CCDC85C: variants seen among roughly 807,000 people sequenced by gnomAD.
CCDC85C encodes coiled-coil domain-containing protein 85C.
CCDC85C carries 18 observed loss-of-function variants against 38.3 expected under a neutral mutation model. That is an observed-to-expected ratio of 0.47 (90% confidence interval 0.33 to 0.70). CCDC85C has a LOEUF of 0.70. Ranked by LOEUF, CCDC85C falls within the 30% of genes least tolerant of loss-of-function variation. The pLI is 0.03. For missense variants in CCDC85C, 566 were observed against 621.2 expected (o/e 0.91, Z 0.94); for synonymous variants, 264 against 293.8 (o/e 0.90, Z 1.04).
Position 99,517,102 on chromosome 14 carries a change from C to A in CCDC85C, c.1057G>T (p.Val353Leu), listed in dbSNP as rs759266737. 2 of 1,550,480 alleles carry A rather than the reference C, an allele frequency of 1.3e-6. No homozygotes were observed. The highest frequency in any genetic ancestry group is 2.4e-5 in the South Asian group (2 of 84,060). The change falls in exon 4 of 6, where the codon GTG (valine) becomes TTG (leucine). Residue 353 changes from valine to leucine, a missense_variant. By Grantham distance (32) the Val-to-Leu change is conservative. Coordinates refer to ENST00000380243, the MANE Select transcript of CCDC85C (RefSeq NM_001144995.2). The part of the protein sequence containing the change: ...SPAGQKPEAV[V>L]HAMKVLEVHE... ...GTGGCCCTCACCTTCATGGCATGCA[C>A]GACAGCCTCGGGCTTCTGTCCTGCA...
chr14:99,528,417 G>A (rs775324393), intron 2 of CCDC85C, among the ~76,000 whole-genome samples: 10 of 152,178 alleles, frequency 6.6e-5, no homozygotes, highest in African/African-American at 2.2e-4. Flanking sequence ...TCGCCAAGGC[G>A]ACTCCAGGAG....
intron 1 of CCDC85C, among the ~76,000 whole-genome samples, chr14:99,538,887 C>G (rs1897658229): frequency 6.6e-6 from 1 of 152,188 alleles, no homozygotes; most frequent in South Asian, 2.1e-4. Context: ...AATGCCCTGC[C>G]TGCCCATAGC....
At position 99,507,032 on chromosome 14, in the gene CCDC85C, G is replaced by A. The variant is rs560310591; in HGVS notation, c.*8214C>T. ...TTTTCTTTATGACATGCTTATTCATGTGAAGAAGTATGAGTGGTTTTCTAA... is the reference window on the plus strand; with the variant it reads ...TTTTCTTTATGACATGCTTATTCATATGAAGAAGTATGAGTGGTTTTCTAA... On this transcript the variant is annotated 3_prime_UTR_variant, in exon 6 of 6. Coordinates refer to ENST00000380243, the MANE Select transcript of CCDC85C (RefSeq NM_001144995.2). 8.9e-7 allele frequency: 1 copy of A among 1,127,842 alleles called. No individual in the cohort carries two copies. The highest frequency in any genetic ancestry group is 1.4e-6 in the Non-Finnish European group (1 of 735,858). The allele number at this position is 1,127,842 out of a possible 1,614,324, so 69.9% of individuals were successfully genotyped here.
intron 1 of CCDC85C, among the ~76,000 whole-genome samples, chr14:99,550,417 A>C (rs1897885968): frequency 6.6e-6 from 1 of 152,166 alleles, no homozygotes; most frequent in African/African-American, 2.4e-5. Context: ...GGCCCCTAGA[A>C]GGGAACGCAG....
chr14:99,543,030 G>A (rs576908335), intron 1 of CCDC85C, among the ~76,000 whole-genome samples: 2 of 152,312 alleles, frequency 1.3e-5, no homozygotes, highest in South Asian at 4.1e-4. Context: ...GAAATTCTTG[G>A]AGAGCAGAGA....
chr14:99,553,278 T>C (rs1455454201), intron 1 of CCDC85C, among the ~76,000 whole-genome samples: 1 of 151,988 alleles, frequency 6.6e-6, no homozygotes, highest in African/African-American at 2.4e-5. Context: ...GTCACAATCT[T>C]CTCACAGGCC....
chr14:99,596,343 G>C (rs532659477), intron 1 of CCDC85C, among the ~76,000 whole-genome samples: 2 of 152,196 alleles, frequency 1.3e-5, no homozygotes, highest in African/African-American at 4.8e-5. Context: ...TGTCTCTGCC[G>C]TTGAGGAATC....
intron 1 of CCDC85C, among the ~76,000 whole-genome samples, chr14:99,601,703 G>A (rs1277962549): frequency 1.5e-4 from 23 of 152,182 alleles, no homozygotes; most frequent in Admixed American, 9.2e-4. Flanking sequence ...CTAACTTTGC[G>A]CTACTCCCAC....
At chr14:99,536,393 G>C (rs1463706575) in intron 1 of CCDC85C, among the ~76,000 whole-genome samples, 1 of 152,236 alleles carries the variant, frequency 6.6e-6, no homozygotes, top group African/African-American at 2.4e-5. Context: ...TTCAGGACCT[G>C]TAGAAAGGTG....
chr14:99,570,850 T>C (rs1362199061), intron 1 of CCDC85C, among the ~76,000 whole-genome samples: 1 of 115,850 alleles, frequency 8.6e-6, no homozygotes, highest in African/African-American at 3.4e-5. Context: ...GCCGCCCCGC[T>C]GGGTGGGCAC....
At chr14:99,555,221 G>T (rs1049371171) in intron 1 of CCDC85C, among the ~76,000 whole-genome samples, 13 of 152,206 alleles carry the variant, frequency 8.5e-5, no homozygotes, top group Non-Finnish European at 1.3e-4. Context: ...ACTGCCCCAA[G>T]CCAACTCCTG....
At position 99,522,193 on chromosome 14, in the gene CCDC85C, G is replaced by A. The variant is rs1354335902; in HGVS notation, c.915C>T (p.Pro305=). ...ACGCAAGCTGGGACTCCGAGTGGTA[G>A]GGCGAGAAGCCTTTCCGCAGCGTGC... ...EFRTLRKGFS[P]YHSESQLASL... Residue 305 remains proline (P), a synonymous_variant, in exon 3 of 6, where the codon CCC becomes CCT. Transcript: ENST00000380243. 8 of 1,550,832 alleles carry A rather than the reference G, an allele frequency of 5.2e-6. No individual in the cohort carries two copies. The East Asian group carries it at 2.0e-4, about 38-fold the overall frequency.
chr14:99,503,783 G>T lies in CCDC85C; in HGVS notation c.*11463C>A. On this transcript the variant is annotated 3_prime_UTR_variant, in exon 6 of 6. Coordinates refer to ENST00000380243, the MANE Select transcript of CCDC85C (RefSeq NM_001144995.2). The stretch of plus-strand genomic sequence containing the variant: ...GAGCTCATACAAAACTTTTCCATCA[G>T]CATTGTCTTTCTGTTCATCACCTGA... 1 of 683,522 alleles carries T rather than the reference G, an allele frequency of 1.5e-6. No homozygotes were observed. Among genetic ancestry groups the T allele is most frequent in the Non-Finnish European group, 2.5e-6 (1 of 402,658 alleles). The allele number at this position is 683,522 out of a possible 1,614,324, so 42.3% of individuals were successfully genotyped here.
rs543899959 is a variant in CCDC85C at position 99,506,935 on chromosome 14, C to A, written c.*8311G>T. 1.2e-4 allele frequency: 81 copies of A among 692,756 alleles called. No homozygotes were observed. The East Asian group carries it at 1.7e-3, about 15-fold the overall frequency. 42.9% of individuals were successfully genotyped at this position (692,756 alleles called of 1,614,324 possible). ...TTCATGCATAATGGTTTAGCTGAAA[C>A]CTTCTTCAAGTTCCCTTAAAGCCTT... On this transcript the variant is annotated 3_prime_UTR_variant, in exon 6 of 6. Coordinates refer to ENST00000380243, the MANE Select transcript of CCDC85C (RefSeq NM_001144995.2).
At chr14:99,598,552 C>G (rs185513159) in intron 1 of CCDC85C, among the ~76,000 whole-genome samples, 2 of 152,302 alleles carry the variant, frequency 1.3e-5, no homozygotes, top group East Asian at 3.9e-4. Context: ...TCCTCCATGC[C>G]AGGACACAGG....
chr14:99,580,115 G>C (rs1047880984), intron 1 of CCDC85C: 1 of 455,600 alleles, frequency 2.2e-6, no homozygotes, highest in Non-Finnish European at 4.4e-6. Context: ...CAGCAAAGTG[G>C]CTGGAGCTGC....
intron 1 of CCDC85C, among the ~76,000 whole-genome samples, chr14:99,591,055 AG>A (rs1337557726): frequency 3.9e-5 from 6 of 152,162 alleles, no homozygotes; most frequent in Non-Finnish European, 5.9e-5. Flanking sequence ...AGAGGACAGG[AG>A]GGGAGGATGC....
chr14:99,589,437 G>A (rs1018084233), intron 1 of CCDC85C, among the ~76,000 whole-genome samples: 4 of 151,626 alleles, frequency 2.6e-5, no homozygotes, highest in Non-Finnish European at 5.9e-5. Flanking sequence ...ACGTGCATTC[G>A]GTTGTGGAGC....
In CCDC85C at chr14:99,569,359, G is replaced by A. The variant is rs968908393; in HGVS notation, c.794-33271C>T. Among the ~76,000 whole-genome samples the A allele has an allele frequency of 6.6e-6, 1 of 152,166 alleles. No individual in the cohort carries two copies. The highest frequency in any genetic ancestry group is 2.4e-5 in the African/African-American group (1 of 41,428). ...ACAGGCTGCTGGGCCAGTGGGGTGT[G>A]TGCTCGGCTCCACCAGACAGTATTC... On this transcript the variant is annotated intron_variant, in intron 1 of 5. Transcript: ENST00000380243. This position sits in a 1 kb window ranked among gnomAD's most constrained non-coding sequence, Gnocchi z 4.3.
Sources: allele counts gnomAD v4.1 joint callset (sites outside exome capture counted in the v4.1 genomes callset), GRCh38; gene constraint gnomAD v4.1.1; non-coding constraint Gnocchi (gnomAD v3.1); transcripts MANE v1.5; gene names NCBI Gene and HGNC (gene_info 2026-07-23, HGNC 2026-07-21).